Variants in SORCS1 observed in about 807,000 individuals in gnomAD.
SORCS1 encodes VPS10 domain-containing receptor SorCS1.
Under a neutral mutation model 146.1 loss-of-function variants are expected in SORCS1, and 60 were observed. That is an observed-to-expected ratio of 0.41 (90% CI 0.33 to 0.51). The LOEUF (loss-of-function observed/expected upper bound fraction) is 0.51, where lower values mean the gene tolerates loss of function less well. Ranked by LOEUF, SORCS1 falls within the 20% of genes least tolerant of loss-of-function variation. The pLI is 0.21. For synonymous variants in SORCS1, 637 were observed against 584.0 expected (o/e 1.09, Z -1.31); for missense variants, 1,352 against 1,487.6 (o/e 0.91, Z 1.50).
chr10:107,178,073 G>A, the SORCS1 span, among the ~76,000 whole-genome samples: 2 of 152,036 alleles, frequency 1.3e-5, no homozygotes, highest in African/African-American at 4.8e-5. Context: ...CTAGGTGATG[G>A]GATGATCTCT....
chr10:107,045,212 C>T (rs1245771907), intron 1 of SORCS1, among the ~76,000 whole-genome samples: 1 of 152,116 alleles, frequency 6.6e-6, no homozygotes, highest in Non-Finnish European at 1.5e-5. Flanking sequence ...CTTAAGTGTG[C>T]ATAAGATTTA....
At chr10:107,041,248 G>C (rs1328762991) in intron 1 of SORCS1, among the ~76,000 whole-genome samples, 1 of 152,052 alleles carries the variant, frequency 6.6e-6, no homozygotes, top group Non-Finnish European at 1.5e-5. Context: ...TTACCCAGGA[G>C]AGCACATTGG....
At chr10:107,006,974 C>T (rs571924011) in intron 1 of SORCS1, among the ~76,000 whole-genome samples, 25 of 152,130 alleles carry the variant, frequency 1.6e-4, no homozygotes, top group African/African-American at 2.7e-4. Flanking sequence ...ATTCCAGAGA[C>T]GAAGTGTTAA....
chr10:106,604,670 T>C (rs571941355), intron 23 of SORCS1, among the ~76,000 whole-genome samples: 111 of 152,318 alleles, frequency 7.3e-4, no homozygotes, highest in African/African-American at 2.4e-3. Flanking sequence ...ATTGTCCTTG[T>C]TTTTCTCCAT....
rs747396768 is a variant in SORCS1 at position 107,164,301 on chromosome 10, G to T, written c.226C>A (p.Pro76Thr). The T allele has an allele frequency of 5.1e-6, 8 of 1,583,960 alleles. No homozygotes were observed. The East Asian group carries it at 1.6e-4, about 32-fold the overall frequency. Residue 76 changes from proline to threonine, a missense_variant, in exon 1 of 26, where the codon CCC becomes ACC. This residue lies in a region of SORCS1 where 490 missense variants were observed against 489.1 expected (regional missense o/e 1.00). Transcript: ENST00000263054. The surrounding 1 kb of genome is among the most constrained non-coding windows in gnomAD (Gnocchi z 6.8). ...TCCCCGGGGGCCACTGAGAACAGGGGACGCACTACGAGGGGCAGGGGCGTG... is the reference window on the plus strand; with the variant it reads ...TCCCCGGGGGCCACTGAGAACAGGGTACGCACTACGAGGGGCAGGGGCGTG... ...PATPLPLVVR[P>T]LFSVAPGDRA...
chr10:106,990,015 C>T (rs1403398724), intron 1 of SORCS1, among the ~76,000 whole-genome samples: 2 of 151,976 alleles, frequency 1.3e-5, no homozygotes, highest in East Asian at 2.0e-4. Context: ...CAGCCTGATT[C>T]ATGTTGCTGT....
At chr10:106,938,512 C>T (rs1953867772) in intron 2 of SORCS1, among the ~76,000 whole-genome samples, 1 of 152,214 alleles carries the variant, frequency 6.6e-6, no homozygotes, top group Non-Finnish European at 1.5e-5. Flanking sequence ...ACCATGGATA[C>T]AGCCATTACA....
intron 3 of SORCS1, among the ~76,000 whole-genome samples, chr10:106,824,795 G>T (rs1948219397): frequency 1.3e-5 from 2 of 152,142 alleles, no homozygotes; most frequent in Non-Finnish European, 2.9e-5. Flanking sequence ...AGACCCGTAG[G>T]AATGACCAAT....
Position 106,843,684 on chromosome 10 carries a change from C to T in SORCS1, c.627-14011G>A, listed in dbSNP as rs961557087. On this transcript the variant is annotated intron_variant, in intron 2 of 25. Transcript: ENST00000263054. Reference sequence around the variant, plus strand: ...TCTCCTGACCTCGTGATCTGCCCACCTTGGCCCCCCAAAGTGCTGGGATTA... The same window carrying T: ...TCTCCTGACCTCGTGATCTGCCCACTTTGGCCCCCCAAAGTGCTGGGATTA... 2.0e-5 allele frequency among the ~76,000 whole-genome samples: 3 copies of T among 152,142 alleles called. No homozygotes were observed. In the South Asian group the frequency reaches 6.2e-4, roughly 32 times the overall value.
chr10:106,899,584 A>G (rs1459371611), intron 2 of SORCS1, among the ~76,000 whole-genome samples: 7 of 130,928 alleles, frequency 5.3e-5, no homozygotes, highest in Non-Finnish European at 4.8e-5. Flanking sequence ...CCATCCTGCC[A>G]CCAGGGCTTT....
At position 106,688,207 on chromosome 10, in the gene SORCS1, G is replaced by A. The variant is rs771353433; in HGVS notation, c.1545C>T (p.Pro515=). The A allele has an allele frequency of 2.8e-5, 45 of 1,613,580 alleles. No individual in the cohort carries two copies. In the Admixed American group the frequency reaches 5.8e-4, roughly 21 times the overall value. Residue 515 remains proline, a synonymous_variant, in exon 10 of 26, where the codon CCC becomes CCT. Coordinates refer to ENST00000263054, the MANE Select transcript of SORCS1 (RefSeq NM_052918.5). ...QAPDTDLRGD[P]VHCLLPYCSL... is the part of the protein sequence containing the mutation. ...GAAGACTCACCAGCAAGCAGTGCACGGGGTCCCCCCTTAGATCCGTGTCCG... is the reference window on the plus strand; with the variant it reads ...GAAGACTCACCAGCAAGCAGTGCACAGGGTCCCCCCTTAGATCCGTGTCCG...
chr10:106,818,886 G>C (rs1053658932), intron 3 of SORCS1, among the ~76,000 whole-genome samples: 1 of 152,162 alleles, frequency 6.6e-6, no homozygotes, highest in Non-Finnish European at 1.5e-5. Flanking sequence ...AGTCTCCAAA[G>C]ATAGAGTTCT....
chr10:106,938,695 T>C (rs1260065243), intron 2 of SORCS1, among the ~76,000 whole-genome samples: 1 of 152,184 alleles, frequency 6.6e-6, no homozygotes, highest in South Asian at 2.1e-4. Flanking sequence ...GTAGATTCCA[T>C]AAAACTACTC....
At chr10:106,776,447 T>C in intron 4 of SORCS1, 87 bp downstream of exon 4, 1 of 1,526,656 alleles carries the variant, frequency 6.6e-7, no homozygotes, top group Admixed American at 1.8e-5. Context: ...AAATGATCAC[T>C]GAGGTGAAAT....
intron 1 of SORCS1, among the ~76,000 whole-genome samples, chr10:106,993,645 C>G (rs991148878): frequency 6.6e-6 from 1 of 152,084 alleles, no homozygotes; most frequent in Non-Finnish European, 1.5e-5. Context: ...CCAGTGTTCA[C>G]AGTTGAAACT....
chr10:106,983,184 T>G (rs1431095029), intron 1 of SORCS1, among the ~76,000 whole-genome samples: 1 of 141,390 alleles, frequency 7.1e-6, no homozygotes. Flanking sequence ...ATATACATAT[T>G]TCTCTATATA....
intron 1 of SORCS1, among the ~76,000 whole-genome samples, chr10:107,120,293 A>G (rs1355457006): frequency 6.6e-6 from 1 of 152,234 alleles, no homozygotes; most frequent in Non-Finnish European, 1.5e-5. Context: ...AGCATCTCTT[A>G]CAGTGCTATG....
chr10:106,671,188 G>A (rs1484101806), intron 16 of SORCS1, 49 bp downstream of exon 16: 1 of 1,610,964 alleles, frequency 6.2e-7, no homozygotes, highest in Non-Finnish European at 8.5e-7. Flanking sequence ...TCAGGCCCAT[G>A]TGGATTTGAT....
At chr10:107,100,725 C>T (rs1466726424) in intron 1 of SORCS1, among the ~76,000 whole-genome samples, 1 of 152,116 alleles carries the variant, frequency 6.6e-6, no homozygotes, top group Non-Finnish European at 1.5e-5. Flanking sequence ...TTACTCTCTC[C>T]TGACATTATT....
Sources: allele counts gnomAD v4.1 joint callset (sites outside exome capture counted in the v4.1 genomes callset), GRCh38; gene constraint gnomAD v4.1.1; regional missense constraint gnomAD v4.1.1; non-coding constraint Gnocchi (gnomAD v3.1); transcripts MANE v1.5; gene names NCBI Gene and HGNC (gene_info 2026-07-23, HGNC 2026-07-21).